The following OXNAD1 variants were observed in gnomAD, a reference collection of about 807,000 sequenced individuals.
OXNAD1 encodes the protein oxidoreductase NAD-binding domain-containing protein 1.
Under a neutral mutation model 32.9 loss-of-function variants are expected in OXNAD1, and 34 were observed. The observed-to-expected ratio is 1.03, with a 90% CI of 0.79 to 1.38. The LOEUF is 1.38. Ranked by LOEUF, OXNAD1 falls within the 40% of genes most tolerant of loss-of-function variation. OXNAD1 has a pLI of 0.00. For missense variants in OXNAD1, 407 were observed against 379.4 expected, an observed-to-expected ratio of 1.07 and a Z score of -0.60; for synonymous variants, 134 against 135.2, an observed-to-expected ratio of 0.99 and a Z score of 0.06.
At position 16,317,333 on chromosome 3, in the gene OXNAD1, G is replaced by A; in HGVS notation, c.*30+13741G>A. ...TCATACCCACACCATGTCTGAGTGA[G>A]ACATACAATTCCCAGCATCCCCCAG... On this transcript the variant is annotated intron_variant, in intron 9 of 9. Coordinates refer to the OXNAD1 transcript ENST00000435829. The surrounding 1 kb of genome is among the most constrained non-coding windows in gnomAD (Gnocchi z 4.3). The A allele has an allele frequency of 7.9e-7, 1 of 1,263,042 alleles. No homozygotes were observed. 78.2% of individuals were successfully genotyped at this position (1,263,042 alleles called of 1,614,324 possible).
intron 5 of OXNAD1, among the ~76,000 whole-genome samples, chr3:16,293,721 A>G (rs931079823): frequency 6.6e-6 from 1 of 152,226 alleles, no homozygotes; most frequent in Non-Finnish European, 1.5e-5. Flanking sequence ...GAAAGTAGAC[A>G]TCCTAATCTT....
At chr3:16,341,475 G>A (rs755668719), downstream of OXNAD1, among the ~76,000 whole-genome samples, 1 of 152,168 alleles carries the variant, frequency 6.6e-6, no homozygotes, top group Non-Finnish European at 1.5e-5. This position sits in a 1 kb window ranked among gnomAD's most constrained non-coding sequence, Gnocchi z 4.7. Context: ...GCACTAAAAA[G>A]CAATGAGCTC....
chr3:16,273,034 C>CT (rs2065064955), intron 4 of OXNAD1, among the ~76,000 whole-genome samples: 1 of 152,130 alleles, frequency 6.6e-6, no homozygotes. Flanking sequence ...GAGCCATAGA[C>CT]AGTATGTATA....
At chr3:16,338,155 C>T (rs1211859282), downstream of OXNAD1, among the ~76,000 whole-genome samples, 1 of 152,204 alleles carries the variant, frequency 6.6e-6, no homozygotes, top group African/African-American at 2.4e-5. This position sits in a 1 kb window ranked among gnomAD's most constrained non-coding sequence, Gnocchi z 5.3. Context: ...TCTCTAACGT[C>T]AGTTACTTGG....
Position 16,346,736 on chromosome 3 carries a change from G to A in OXNAD1, c.*31-2440G>A, listed in dbSNP as rs1056112169. ...TGCTAATAAAAAGGGACGTGTGGCA[G>A]GAAAAAACTGCCCCGTTCTTCACGG... On this transcript the variant is annotated intron_variant, in intron 9 of 9. Coordinates refer to the OXNAD1 transcript ENST00000606098. The surrounding 1 kb of genome is among the most constrained non-coding windows in gnomAD (Gnocchi z 4.4). Among the ~76,000 whole-genome samples, 12 of 152,134 alleles carry A rather than the reference G, an allele frequency of 7.9e-5. No homozygotes were observed. The highest frequency in any genetic ancestry group is 4.6e-4 in the Admixed American group (7 of 15,276).
chr3:16,293,672 T>G (rs973609476), intron 5 of OXNAD1, among the ~76,000 whole-genome samples: 4 of 152,152 alleles, frequency 2.6e-5, no homozygotes, highest in African/African-American at 4.8e-5. Flanking sequence ...TTTACTCACT[T>G]TGGCTAGAAC....
intron 4 of OXNAD1, among the ~76,000 whole-genome samples, chr3:16,276,925 C>T (rs1430398281): frequency 2.2e-5 from 3 of 133,908 alleles, no homozygotes; most frequent in Admixed American, 7.5e-5. Context: ...TTCTTTCTTT[C>T]TTTTTTTTTT....
Position 16,302,603 on chromosome 3 carries a change from A to T in OXNAD1, c.676-37A>T. ...TTGTGCACATCTGTTTTGATTTTTT[A>T]AAATTGTAGTGTGACCAAATATGTT... On this transcript the variant is annotated intron_variant, in intron 7 of 8. Coordinates refer to ENST00000285083, the MANE Select transcript of OXNAD1 (RefSeq NM_138381.5). The surrounding 1 kb of genome is among the most constrained non-coding windows in gnomAD (Gnocchi z 4.2). 1.4e-6 allele frequency: 2 copies of T among 1,445,536 alleles called. No homozygotes were observed. Among genetic ancestry groups the T allele is most frequent in the East Asian group, 2.4e-5 (1 of 42,250 alleles). 89.5% of individuals were successfully genotyped at this position (1,445,536 alleles called of 1,614,324 possible). A position where few individuals can be genotyped will look rare whatever the true frequency, so the allele number is the denominator to read the frequency against.
chr3:16,305,282 T>C lies in OXNAD1; in HGVS notation c.*1720T>C, dbSNP rs745937168. 6 of 152,164 alleles carry C rather than the reference T, an allele frequency of 3.9e-5. No individual in the cohort carries two copies. Among genetic ancestry groups the C allele is most frequent in the Non-Finnish European group, 7.3e-5 (5 of 68,050 alleles). The allele number at this position is 152,164 out of a possible 1,614,324, so 9.4% of individuals were successfully genotyped here. A position where few individuals can be genotyped will look rare whatever the true frequency, so the allele number is the denominator to read the frequency against. ...GGAGGTGCAAAGTGAGCATCTCCAG[T>C]GCAGCATGGGATGGGAAGATAGGGA... On this transcript the variant is annotated 3_prime_UTR_variant, in exon 9 of 9. Coordinates refer to ENST00000285083, the MANE Select transcript of OXNAD1 (RefSeq NM_138381.5). This position sits in a 1 kb window ranked among gnomAD's most constrained non-coding sequence, Gnocchi z 4.5.
At chr3:16,296,105 C>T (rs189090197) in intron 6 of OXNAD1, among the ~76,000 whole-genome samples, 35 of 152,208 alleles carry the variant, frequency 2.3e-4, no homozygotes, top group East Asian at 1.2e-3. Context: ...CCCACCTGAA[C>T]GCAGCAAGGT....
chr3:16,351,374 A>T (rs2072092404), downstream of OXNAD1, among the ~76,000 whole-genome samples: 1 of 152,224 alleles, frequency 6.6e-6, no homozygotes, highest in African/African-American at 2.4e-5. The surrounding 1 kb of genome is among the most constrained non-coding windows in gnomAD (Gnocchi z 5.4). Flanking sequence ...TGATATATCC[A>T]TGATCAGAAA....
At chr3:16,295,577 A>G (rs1045238575) in intron 6 of OXNAD1, among the ~76,000 whole-genome samples, 5 of 152,200 alleles carry the variant, frequency 3.3e-5, no homozygotes, top group African/African-American at 9.7e-5. Context: ...GTCATTACCT[A>G]CTAGAACTCT....
At chr3:16,323,054 C>T (rs1418211480) in intron 9 of OXNAD1, among the ~76,000 whole-genome samples, 2 of 152,206 alleles carry the variant, frequency 1.3e-5, no homozygotes, top group Non-Finnish European at 2.9e-5. Context: ...ATCCCCACCC[C>T]ATGGTCAGGC....
rs931182377 is a variant in OXNAD1 at position 16,277,443 on chromosome 3, A to G, written c.183+5721A>G. 6.6e-6 allele frequency among the ~76,000 whole-genome samples: 1 copy of G among 152,200 alleles called. No individual in the cohort carries two copies. The highest frequency in any genetic ancestry group is 1.5e-5 in the Non-Finnish European group (1 of 68,026). ...ATGGCACCTCAGGTTTGGCCATAAC[A>G]GAACTGGATCAGCTTCTTATAGTCT... On this transcript the variant is annotated intron_variant, in intron 4 of 8. Coordinates refer to ENST00000285083, the MANE Select transcript of OXNAD1 (RefSeq NM_138381.5). The surrounding 1 kb of genome is among the most constrained non-coding windows in gnomAD (Gnocchi z 4.3).
chr3:16,289,194 CA>C lies in OXNAD1; in HGVS notation c.290+2747del, dbSNP rs1265670283. Among the ~76,000 whole-genome samples the C allele has an allele frequency of 1.3e-5, 2 of 152,194 alleles. No homozygotes were observed. The highest frequency in any genetic ancestry group is 2.9e-5 in the Non-Finnish European group (2 of 68,036). ...TAATAAGTATTTCATTCAGTTAGAT[CA>C]TATGTGCTGATAAGGCCCAGGGGAC... On this transcript the variant is annotated intron_variant, in intron 5 of 8. Coordinates refer to ENST00000285083, the MANE Select transcript of OXNAD1 (RefSeq NM_138381.5). This position sits in a 1 kb window ranked among gnomAD's most constrained non-coding sequence, Gnocchi z 4.9.
Position 16,336,819 on chromosome 3 carries a change from C to T in OXNAD1, c.*31-293C>T, listed in dbSNP as rs1436172403. ...CATTTTCTCTACCAGGTAAGAAAGG[C>T]AGCAAACTCAGTAGCCTTTTAGGAG... On this transcript the variant is annotated intron_variant, in intron 9 of 9. Coordinates refer to the OXNAD1 transcript ENST00000435829. The surrounding 1 kb of genome is among the most constrained non-coding windows in gnomAD (Gnocchi z 6.0). Among the ~76,000 whole-genome samples, 1 of 152,104 alleles carries T rather than the reference C, an allele frequency of 6.6e-6. No homozygotes were observed. Among genetic ancestry groups the T allele is most frequent in the East Asian group, 1.9e-4 (1 of 5,206 alleles).
At position 16,287,135 on chromosome 3, in the gene OXNAD1, A is replaced by T. The variant is rs541787801; in HGVS notation, c.290+687A>T. Among the ~76,000 whole-genome samples the T allele has an allele frequency of 6.6e-5, 10 of 152,288 alleles. No homozygotes were observed. Among genetic ancestry groups the T allele is most frequent in the South Asian group, 2.1e-4 (1 of 4,826 alleles). ...CTCCCTGAGCTTCAATTCAAGTTCA[A>T]TTGTAAGGAAAGCAACTTGAATTTC... is the stretch of plus-strand genomic sequence containing the variant. On this transcript the variant is annotated intron_variant, in intron 5 of 8. Transcript: ENST00000285083. The surrounding 1 kb of genome is among the most constrained non-coding windows in gnomAD (Gnocchi z 4.8).
Position 16,275,639 on chromosome 3 carries a change from A to G in OXNAD1, c.183+3917A>G, listed in dbSNP as rs565599926. Reference sequence around the variant, plus strand: ...CTTATGTAAGGAGTCTTCAATGTCTATGTCTTCCATTTCCCTGGTTTCTTT... The same window carrying G: ...CTTATGTAAGGAGTCTTCAATGTCTGTGTCTTCCATTTCCCTGGTTTCTTT... On this transcript the variant is annotated intron_variant, in intron 4 of 8. Transcript: ENST00000285083. 8.0e-5 allele frequency: 14 copies of G among 174,436 alleles called. 1 individual carries two copies. The highest frequency in any genetic ancestry group is 5.9e-4 in the East Asian group (4 of 6,828). The allele number at this position is 174,436 out of a possible 1,614,324, so 10.8% of individuals were successfully genotyped here.
chr3:16,309,473 AT>A (rs543172419), downstream of OXNAD1, among the ~76,000 whole-genome samples: 7 of 150,354 alleles, frequency 4.7e-5, no homozygotes, highest in Admixed American at 4.0e-4. Context: ...ATGAAAGGTG[AT>A]TTTTTTAACT....
Sources: gnomAD v4.1 joint callset for allele counts (sites outside exome capture counted in the v4.1 genomes callset) on GRCh38, gnomAD v4.1.1 for gene constraint, Gnocchi (gnomAD v3.1) non-coding constraint, MANE v1.5 for transcripts, NCBI Gene and HGNC (gene_info 2026-07-23, HGNC 2026-07-21) for gene names.